The following VEGFC variants were observed in gnomAD, a reference collection of about 807,000 sequenced individuals.
VEGFC encodes the protein FLT4 ligand DHM.
Under a neutral mutation model 46.1 loss-of-function variants are expected in VEGFC, and 12 were observed. The ratio of observed to expected loss-of-function variants is 0.26; its 90% CI spans 0.17 to 0.42. The LOEUF is 0.42. Ranked by LOEUF, VEGFC falls within the 10% of genes least tolerant of loss-of-function variation. The pLI, the probability that VEGFC is intolerant of heterozygous loss-of-function variation, is 1.00. For synonymous variants in VEGFC, 232 were observed against 195.5 expected (o/e 1.19, Z -1.56); for missense variants, 488 against 529.4 (o/e 0.92, Z 0.77).
intron 4 of VEGFC, among the ~76,000 whole-genome samples, chr4:176,691,780 A>G (rs1047863949): frequency 1.3e-5 from 2 of 152,204 alleles, no homozygotes; most frequent in Non-Finnish European, 2.9e-5. Flanking sequence ...AATAATTACC[A>G]GCTCTTGGGG....
At chr4:176,776,643 A>G (rs1735818226) in intron 1 of VEGFC, among the ~76,000 whole-genome samples, 1 of 152,226 alleles carries the variant, frequency 6.6e-6, no homozygotes, top group Admixed American at 6.5e-5. Context: ...AGAGAAGAAT[A>G]TGGGTCAGAA....
chr4:176,771,356 T>A (rs1735718870), intron 1 of VEGFC, among the ~76,000 whole-genome samples: 1 of 152,190 alleles, frequency 6.6e-6, no homozygotes, highest in South Asian at 2.1e-4. Context: ...TTTTCTGCCA[T>A]CTTTTAAATG....
chr4:176,747,855 T>C (rs994900069), intron 1 of VEGFC, among the ~76,000 whole-genome samples: 2 of 151,908 alleles, frequency 1.3e-5, no homozygotes, highest in Non-Finnish European at 2.9e-5. Flanking sequence ...GGAAGACAAA[T>C]GAGGGTCAGG....
chr4:176,721,667 T>C lies in VEGFC; in HGVS notation c.552+6111A>G, dbSNP rs1313580254. ...GAATAACTTGGCTTGACCGACTGGC[T>C]GAATGATGATGTCATTTACTAAGAC... is the stretch of plus-strand genomic sequence containing the variant. On this transcript the variant is annotated intron_variant, in intron 3 of 6. Coordinates refer to ENST00000618562, the MANE Select transcript of VEGFC (RefSeq NM_005429.5). Among the ~76,000 whole-genome samples, 6 of 152,312 alleles carry C rather than the reference T, an allele frequency of 3.9e-5. No homozygotes were observed. The East Asian group carries it at 1.2e-3, about 29-fold the overall frequency.
intron 1 of VEGFC, among the ~76,000 whole-genome samples, chr4:176,778,342 A>C (rs1428854362): frequency 6.6e-6 from 1 of 152,128 alleles, no homozygotes; most frequent in Non-Finnish European, 1.5e-5. Context: ...GCTCACAATT[A>C]TAATTGGGAG....
rs1351054962 is a variant in VEGFC, at chr4:176,728,035, C to CTGCAA, written c.362-72_362-68dup. 42 of 1,290,612 alleles carry CTGCAA rather than the reference C, an allele frequency of 3.3e-5. 1 individual carries two copies. Among genetic ancestry groups the CTGCAA allele is most frequent in the Non-Finnish European group, 1.8e-5 (17 of 940,408 alleles). 79.9% of individuals were successfully genotyped at this position (1,290,612 alleles called of 1,614,324 possible). A position where few individuals can be genotyped will look rare whatever the true frequency, so the allele number is the denominator to read the frequency against. On this transcript the variant is annotated intron_variant, in intron 2 of 6. Coordinates refer to ENST00000618562, the MANE Select transcript of VEGFC (RefSeq NM_005429.5). ...CCAAGATAAAAAAAGCCCACAGCAGCTGCAAATCACTCACATTCATTTCAG... is the reference window on the plus strand; with the variant it reads ...CCAAGATAAAAAAAGCCCACAGCAGCTGCAATGCAAATCACTCACATTCATTTCAG...
At chr4:176,771,106 G>T in intron 1 of VEGFC, among the ~76,000 whole-genome samples, 1 of 152,058 alleles carries the variant, frequency 6.6e-6, no homozygotes, top group East Asian at 1.9e-4. Context: ...AGTTAACCTG[G>T]TTTTTGCTAG....
chr4:176,773,220 C>A (rs565344606), intron 1 of VEGFC, among the ~76,000 whole-genome samples: 34 of 152,006 alleles, frequency 2.2e-4, no homozygotes, highest in Non-Finnish European at 4.6e-4. Flanking sequence ...GTTGTGACCA[C>A]GAGGAATGAA....
intron 1 of VEGFC, among the ~76,000 whole-genome samples, chr4:176,737,723 T>A (rs571480768): frequency 6.6e-6 from 1 of 151,930 alleles, no homozygotes; most frequent in Admixed American, 6.6e-5. Flanking sequence ...ATTTTTAGCA[T>A]ATTTTATTCC....
intron 6 of VEGFC, among the ~76,000 whole-genome samples, chr4:176,684,801 C>G (rs535533956): frequency 7.9e-5 from 12 of 152,208 alleles, no homozygotes; most frequent in Non-Finnish European, 1.2e-4. Context: ...TCTCAGCTTA[C>G]TGCAACCTCC....
chr4:176,755,450 T>C lies in VEGFC; in HGVS notation c.148-25704A>G, dbSNP rs367690324. ...CTACACTGTTTCATAGAGTCCCCTGTAGAATTAAACTCCAGATACCCATAA... is the reference window on the plus strand; with the variant it reads ...CTACACTGTTTCATAGAGTCCCCTGCAGAATTAAACTCCAGATACCCATAA... On this transcript the variant is annotated intron_variant, in intron 1 of 6. Transcript: ENST00000618562. Among the ~76,000 whole-genome samples, 12 of 152,096 alleles carry C rather than the reference T, an allele frequency of 7.9e-5. 1 individual carries two copies. Among genetic ancestry groups the C allele is most frequent in the African/African-American group, 2.6e-4 (11 of 41,534 alleles).
At chr4:176,762,540 T>G (rs916627231) in intron 1 of VEGFC, among the ~76,000 whole-genome samples, 2 of 152,204 alleles carry the variant, frequency 1.3e-5, no homozygotes, top group African/African-American at 4.8e-5. Context: ...TTTTTCATCA[T>G]GTACCCAGTT....
chr4:176,786,853 C>G (rs979353297), intron 1 of VEGFC, among the ~76,000 whole-genome samples: 1 of 152,174 alleles, frequency 6.6e-6, no homozygotes, highest in African/African-American at 2.4e-5. Context: ...TTACCTTTCC[C>G]TGCCTCTTCC....
rs1484904461 is a variant in VEGFC at position 176,792,514 on chromosome 4, C to T, written c.-203G>A. The stretch of plus-strand genomic sequence containing the variant: ...TGCAGGGCGCCCTCCCAGCCAGTGC[C>T]GGGGAAAGGCGGCGGGTGTCAGGTA... On this transcript the variant is annotated 5_prime_UTR_variant, in exon 1 of 7. Transcript: ENST00000618562. The surrounding 1 kb of genome is among the most constrained non-coding windows in gnomAD (Gnocchi z 6.3). The T allele has an allele frequency of 1.4e-4, 57 of 402,418 alleles. No homozygotes were observed. In the East Asian group the frequency reaches 2.0e-3, roughly 14 times the overall value. The allele number at this position is 402,418 out of a possible 1,614,324, so 24.9% of individuals were successfully genotyped here.
rs923653602 is a variant in VEGFC at position 176,687,427 on chromosome 4, G to A, written c.905C>T (p.Ala302Val). 1.9e-5 allele frequency: 30 copies of A among 1,614,140 alleles called. No homozygotes were observed. In the East Asian group the frequency reaches 6.5e-4, roughly 35 times the overall value. ...TAGTTCTTTGTGGGGTCCACAGCTGGCAGGCCGAAGCCCCGCTCTGCAGAC... is the reference window on the plus strand; with the variant it reads ...TAGTTCTTTGTGGGGTCCACAGCTGACAGGCCGAAGCCCCGCTCTGCAGAC... Reference protein sequence around the residue: ...QCVCRAGLRPASCGPHKELDR... With the variant: ...QCVCRAGLRPVSCGPHKELDR... The change falls in exon 6 of 7, where the codon GCC (alanine) becomes GTC (valine). Residue 302 changes from alanine to valine, a missense_variant. Transcript: ENST00000618562.
intron 1 of VEGFC, among the ~76,000 whole-genome samples, chr4:176,789,105 C>T (rs1398063596): frequency 1.3e-5 from 2 of 152,202 alleles, no homozygotes; most frequent in Non-Finnish European, 2.9e-5. Context: ...CACGCCAGTT[C>T]CTCTGTTGGT....
At chr4:176,758,378 A>G (rs1287632326) in intron 1 of VEGFC, among the ~76,000 whole-genome samples, 2 of 152,166 alleles carry the variant, frequency 1.3e-5, no homozygotes, top group Admixed American at 1.3e-4. Context: ...ATGAATATCT[A>G]GAAGTTTAAT....
chr4:176,690,540 T>C (rs895645108), intron 4 of VEGFC, among the ~76,000 whole-genome samples: 2 of 152,158 alleles, frequency 1.3e-5, no homozygotes, highest in South Asian at 4.1e-4. Flanking sequence ...TCATTGCGCA[T>C]TTTTGTCATT....
chr4:176,716,405 C>T lies in VEGFC; in HGVS notation c.553-4755G>A, dbSNP rs191785686. Among the ~76,000 whole-genome samples, 230 of 151,460 alleles carry T rather than the reference C, an allele frequency of 1.5e-3. 1 individual carries two copies. Among genetic ancestry groups the T allele is most frequent in the Middle Eastern group, 6.9e-3 (2 of 290 alleles). ...CAGCCGGCCCAACATGGTGAAATCC[C>T]GTTTCTACTAAAAATACTAAAATTA... On this transcript the variant is annotated intron_variant, in intron 3 of 6. Coordinates refer to ENST00000618562, the MANE Select transcript of VEGFC (RefSeq NM_005429.5).
Sources: allele counts gnomAD v4.1 joint callset (sites outside exome capture counted in the v4.1 genomes callset), GRCh38; gene constraint gnomAD v4.1.1; non-coding constraint Gnocchi (gnomAD v3.1); transcripts MANE v1.5; gene names NCBI Gene and HGNC (gene_info 2026-07-23, HGNC 2026-07-21).